KHDRBS2: variants seen among roughly 807,000 people sequenced by gnomAD.
The protein encoded by KHDRBS2 is KH RNA binding domain containing, signal transduction associated 2.
KHDRBS2 carries 26 observed loss-of-function variants against 44.3 expected under a neutral mutation model. That is an observed-to-expected ratio of 0.59 (90% CI 0.43 to 0.81). The LOEUF (loss-of-function observed/expected upper bound fraction) is 0.81, where lower values mean the gene tolerates loss of function less well. Ranked by LOEUF, KHDRBS2 falls within the 40% of genes least tolerant of loss-of-function variation. The pLI is 0.00. For synonymous variants in KHDRBS2, 194 were observed against 151.1 expected (o/e 1.28, Z -2.08); for missense variants, 476 against 433.1 (o/e 1.10, Z -0.88).
At chr6:61,754,105 A>AT (rs1778135754) in intron 6 of KHDRBS2, among the ~76,000 whole-genome samples, 1 of 152,136 alleles carries the variant, frequency 6.6e-6, no homozygotes, top group Non-Finnish European at 1.5e-5. Flanking sequence ...GAGAGAATAG[A>AT]TTTTTGTGGT....
intron 1 of KHDRBS2, among the ~76,000 whole-genome samples, chr6:62,244,104 C>T (rs1345125746): frequency 6.6e-6 from 1 of 152,132 alleles, no homozygotes; most frequent in Non-Finnish European, 1.5e-5. Context: ...TCATCTGCTA[C>T]TTTAAAAAAG....
At chr6:62,186,778 G>A (rs1482017227) in intron 1 of KHDRBS2, among the ~76,000 whole-genome samples, 2 of 152,016 alleles carry the variant, frequency 1.3e-5, no homozygotes, top group Non-Finnish European at 2.9e-5. Flanking sequence ...TAACTGTGTT[G>A]AGACTCAGAC....
chr6:61,847,063 T>C (rs1184844246), intron 6 of KHDRBS2, among the ~76,000 whole-genome samples: 1 of 152,112 alleles, frequency 6.6e-6, no homozygotes, highest in Admixed American at 6.5e-5. Context: ...TTATTTAAAG[T>C]ATATTTGAAC....
At chr6:62,073,113 C>G (rs183766161) in intron 2 of KHDRBS2, among the ~76,000 whole-genome samples, 228 of 151,958 alleles carry the variant, frequency 1.5e-3, no homozygotes, top group African/African-American at 5.3e-3. Context: ...GTGTTCACTT[C>G]TAATCTTTGA....
the KHDRBS2 span, among the ~76,000 whole-genome samples, chr6:61,624,188 C>A: frequency 6.6e-6 from 1 of 152,144 alleles, no homozygotes; most frequent in Non-Finnish European, 1.5e-5. Flanking sequence ...GCAGACAAAA[C>A]GATTTGTCCA....
intron 2 of KHDRBS2, among the ~76,000 whole-genome samples, chr6:62,089,305 TG>T (rs1187729055): frequency 6.6e-6 from 1 of 150,612 alleles, no homozygotes; most frequent in Non-Finnish European, 1.5e-5. Context: ...CAGCTAGCTC[TG>T]TGTCTGCCCA....
chr6:62,277,577 T>C (rs941151720), intron 1 of KHDRBS2, among the ~76,000 whole-genome samples: 1 of 152,038 alleles, frequency 6.6e-6, no homozygotes, highest in African/African-American at 2.4e-5. Context: ...CTCCTGACCT[T>C]GTGATCCACC....
At chr6:61,997,256 C>T (rs1777370274) in intron 3 of KHDRBS2, among the ~76,000 whole-genome samples, 1 of 152,074 alleles carries the variant, frequency 6.6e-6, no homozygotes, top group Non-Finnish European at 1.5e-5. Context: ...TATTTTGTCA[C>T]AGGAAAGAGA....
intron 1 of KHDRBS2, among the ~76,000 whole-genome samples, chr6:62,279,301 C>T (rs1405793095): frequency 1.3e-5 from 2 of 152,026 alleles, no homozygotes; most frequent in Non-Finnish European, 2.9e-5. Context: ...AAGTGGCCTC[C>T]TGAGGTTTTG....
chr6:61,733,374 T>C (rs1774800413), intron 6 of KHDRBS2, among the ~76,000 whole-genome samples: 1 of 152,134 alleles, frequency 6.6e-6, no homozygotes, highest in Admixed American at 6.6e-5. Flanking sequence ...GCAGATCAGC[T>C]GAGGTCAGGA....
At chr6:61,632,487 T>C in the KHDRBS2 span, among the ~76,000 whole-genome samples, 1 of 152,148 alleles carries the variant, frequency 6.6e-6, no homozygotes, top group Non-Finnish European at 1.5e-5. Context: ...CGTTAGTTCA[T>C]CCTAACAAAT....
At chr6:61,663,467 T>C in the KHDRBS2 span, among the ~76,000 whole-genome samples, 1 of 98,988 alleles carries the variant, frequency 1.0e-5, no homozygotes, top group East Asian at 3.1e-4. Context: ...TGACAAACAT[T>C]AGTCATTACC....
At position 62,138,317 on chromosome 6, in the gene KHDRBS2, T is replaced by TA. The variant is rs1812017496; in HGVS notation, c.219+38867dup. 1.3e-5 allele frequency among the ~76,000 whole-genome samples: 2 copies of TA among 152,206 alleles called. 1 individual carries two copies. Among genetic ancestry groups the TA allele is most frequent in the South Asian group, 4.1e-4 (2 of 4,832 alleles). On this transcript the variant is annotated intron_variant, in intron 2 of 8. Coordinates refer to ENST00000281156, the MANE Select transcript of KHDRBS2 (RefSeq NM_152688.4). ...CTTGAAATGCATTTTCTCTTTTGAC[T>TA]AATCAGATAATTTGAAGATGCAGTG...
intron 6 of KHDRBS2, among the ~76,000 whole-genome samples, chr6:61,796,510 C>T (rs574551799): frequency 2.0e-5 from 3 of 152,058 alleles, no homozygotes; most frequent in South Asian, 2.1e-4. Context: ...CTTACATTTA[C>T]AAACCTCGCT....
chr6:62,246,031 G>T (rs1835484092), intron 1 of KHDRBS2, among the ~76,000 whole-genome samples: 1 of 148,854 alleles, frequency 6.7e-6, no homozygotes. Flanking sequence ...AGAAAGTAAA[G>T]GTGACTTTCT....
At chr6:61,796,000 TGTGA>T (rs1251843837) in intron 6 of KHDRBS2, among the ~76,000 whole-genome samples, 1 of 152,082 alleles carries the variant, frequency 6.6e-6, no homozygotes, top group East Asian at 1.9e-4. Flanking sequence ...ACAGAATGGG[TGTGA>T]GTCTCAGTTT....
intron 2 of KHDRBS2, among the ~76,000 whole-genome samples, chr6:62,143,445 A>G (rs1813275481): frequency 2.0e-5 from 3 of 152,036 alleles, no homozygotes; most frequent in South Asian, 4.1e-4. Flanking sequence ...TTTCATTCAT[A>G]TAACTTTGCA....
At chr6:61,961,559 A>G (rs1768728076) in intron 4 of KHDRBS2, among the ~76,000 whole-genome samples, 1 of 152,180 alleles carries the variant, frequency 6.6e-6, no homozygotes, top group South Asian at 2.1e-4. Context: ...GTTGTTGGAA[A>G]GGCCTCATTT....
At chr6:61,561,830 C>A in the KHDRBS2 span, among the ~76,000 whole-genome samples, 2 of 152,148 alleles carry the variant, frequency 1.3e-5, no homozygotes, top group Non-Finnish European at 2.9e-5. Context: ...TTGCCTACCA[C>A]ATATTTGGTC....
Sources: gnomAD v4.1 joint callset for allele counts (sites outside exome capture counted in the v4.1 genomes callset) on GRCh38, gnomAD v4.1.1 for gene constraint, MANE v1.5 for transcripts, NCBI Gene and HGNC (gene_info 2026-07-23, HGNC 2026-07-21) for gene names.